Variants in KCNIP4 observed in about 807,000 individuals in gnomAD.
KCNIP4 encodes the protein Kv channel-interacting protein 4.
In KCNIP4, 12 loss-of-function variants were observed where a neutral mutation model predicts 34.0. The observed-to-expected ratio is 0.35, with a 90% CI of 0.23 to 0.57. KCNIP4 has a LOEUF of 0.57. Among genes scored for constraint, KCNIP4 ranks in the 20% least tolerant of loss-of-function variants. The pLI is 0.83. For missense variants in KCNIP4, 238 were observed against 311.7 expected (o/e 0.76, Z 1.78); for synonymous variants, 124 against 102.2 (o/e 1.21, Z -1.29).
intron 1 of KCNIP4, among the ~76,000 whole-genome samples, chr4:21,588,744 G>A (rs988278286): frequency 1.3e-5 from 2 of 151,888 alleles, no homozygotes; most frequent in African/African-American, 4.8e-5. Flanking sequence ...TCTGTCTCTA[G>A]AGAATATTGT....
At position 21,140,495 on chromosome 4, in the gene KCNIP4, G is replaced by A. The variant is rs138009674; in HGVS notation, c.62-257786C>T. On this transcript the variant is annotated intron_variant, in intron 1 of 8. Coordinates refer to ENST00000382152, the MANE Select transcript of KCNIP4 (RefSeq NM_025221.6). ...AAGGATTGCACAATGTTAACATAACGCACCTCCTCTGTGCCTCGATTTTAA... is the reference window on the plus strand; with the variant it reads ...AAGGATTGCACAATGTTAACATAACACACCTCCTCTGTGCCTCGATTTTAA... Among the ~76,000 whole-genome samples the A allele has an allele frequency of 3.1e-3, 474 of 152,004 alleles. 1 individual carries two copies. The highest frequency in any genetic ancestry group is 6.8e-3 in the Middle Eastern group (2 of 294).
chr4:21,848,232 C>T (rs1466945316), intron 1 of KCNIP4: 1 of 152,158 alleles, frequency 6.6e-6, no homozygotes, highest in Non-Finnish European at 1.5e-5. Flanking sequence ...CTGCCTTCAG[C>T]ATAAGGATTC....
chr4:21,445,180 T>G (rs548985339), intron 1 of KCNIP4, among the ~76,000 whole-genome samples: 2 of 152,104 alleles, frequency 1.3e-5, no homozygotes, highest in Non-Finnish European at 2.9e-5. Flanking sequence ...AATCAATATC[T>G]TGAAAATGGC....
At chr4:21,462,690 A>C (rs1441782782) in intron 1 of KCNIP4, among the ~76,000 whole-genome samples, 1 of 151,418 alleles carries the variant, frequency 6.6e-6, no homozygotes, top group African/African-American at 2.4e-5. Context: ...TTCAGTTAAC[A>C]TAATGTCTTC....
intron 1 of KCNIP4, among the ~76,000 whole-genome samples, chr4:21,322,841 A>T (rs1020343560): frequency 6.6e-6 from 1 of 152,156 alleles, no homozygotes; most frequent in South Asian, 2.1e-4. Flanking sequence ...AATCACTTAA[A>T]AGATAAGAGA....
At chr4:21,872,337 C>G (rs1208307648) in intron 1 of KCNIP4, among the ~76,000 whole-genome samples, 1 of 152,174 alleles carries the variant, frequency 6.6e-6, no homozygotes, top group Admixed American at 6.5e-5. Context: ...CCTACTCCAG[C>G]GCTATGAGCC....
intron 1 of KCNIP4, among the ~76,000 whole-genome samples, chr4:21,083,606 A>G (rs1746187099): frequency 1.3e-5 from 2 of 151,766 alleles, no homozygotes; most frequent in African/African-American, 4.9e-5. Context: ...GGAGTTAGGC[A>G]TCCATAAACC....
At chr4:21,229,346 G>C (rs1214652138) in intron 1 of KCNIP4, among the ~76,000 whole-genome samples, 1 of 152,086 alleles carries the variant, frequency 6.6e-6, no homozygotes, top group Non-Finnish European at 1.5e-5. Flanking sequence ...TCTGGCACTA[G>C]GTAGGGATTG....
chr4:21,634,328 T>G (rs1002782061), intron 1 of KCNIP4, among the ~76,000 whole-genome samples: 10 of 152,040 alleles, frequency 6.6e-5, no homozygotes, highest in Admixed American at 2.0e-4. Flanking sequence ...TCAAAAACTT[T>G]CTCTAGAGTA....
intron 1 of KCNIP4, among the ~76,000 whole-genome samples, chr4:21,179,142 C>G (rs2109317680): frequency 6.6e-6 from 1 of 152,252 alleles, no homozygotes; most frequent in Admixed American, 6.5e-5. Flanking sequence ...TATTATCTTT[C>G]CTTCTCCCTT....
intron 1 of KCNIP4, among the ~76,000 whole-genome samples, chr4:20,956,500 C>T (rs374583239): frequency 7.4e-5 from 6 of 81,506 alleles, no homozygotes; most frequent in African/African-American, 3.6e-4. Context: ...GCAAGACTTC[C>T]TTCCAAAAAA....
At chr4:21,391,067 A>T (rs1361367670) in intron 1 of KCNIP4, among the ~76,000 whole-genome samples, 2 of 152,130 alleles carry the variant, frequency 1.3e-5, no homozygotes, top group Non-Finnish European at 2.9e-5. Context: ...ACAGCAGATC[A>T]TGTTGAGCAT....
intron 1 of KCNIP4, among the ~76,000 whole-genome samples, chr4:20,999,226 T>C (rs1737837760): frequency 6.6e-6 from 1 of 152,168 alleles, no homozygotes. Flanking sequence ...AGGGAGATCA[T>C]ACTTCATCTT....
intron 3 of KCNIP4, among the ~76,000 whole-genome samples, chr4:20,766,185 A>G (rs1755394788): frequency 6.6e-6 from 1 of 152,160 alleles, no homozygotes; most frequent in Non-Finnish European, 1.5e-5. Flanking sequence ...AAATGAATGA[A>G]CTGTCTTAGA....
chr4:21,692,826 CAT>C (rs1711805754), intron 1 of KCNIP4, among the ~76,000 whole-genome samples: 5 of 114,964 alleles, frequency 4.3e-5, no homozygotes, highest in Non-Finnish European at 5.2e-5. Flanking sequence ...AAAATCCTGT[CAT>C]TTTTTTTTTT....
intron 1 of KCNIP4, among the ~76,000 whole-genome samples, chr4:21,098,097 A>C (rs1747619218): frequency 6.6e-6 from 1 of 152,212 alleles, no homozygotes; most frequent in African/African-American, 2.4e-5. Context: ...GCCAAAGTCA[A>C]ATCCAGAATA....
intron 1 of KCNIP4, among the ~76,000 whole-genome samples, chr4:21,874,014 T>C (rs947136691): frequency 6.6e-6 from 1 of 152,190 alleles, no homozygotes; most frequent in Non-Finnish European, 1.5e-5. Flanking sequence ...TCTGAAGACT[T>C]GCAAGGCAAA....
At chr4:20,821,110 C>T (rs184425438) in intron 3 of KCNIP4, among the ~76,000 whole-genome samples, 164 of 152,284 alleles carry the variant, frequency 1.1e-3, no homozygotes, top group Non-Finnish European at 1.4e-3. Context: ...ATGAGAGCTG[C>T]TGTGAGGGCT....
intron 1 of KCNIP4, among the ~76,000 whole-genome samples, chr4:21,074,595 G>A (rs1245825341): frequency 6.6e-6 from 1 of 152,056 alleles, no homozygotes; most frequent in Non-Finnish European, 1.5e-5. Flanking sequence ...CCAGCTCCTG[G>A]AGTCATTGAT....
Sources: allele counts gnomAD v4.1 joint callset (sites outside exome capture counted in the v4.1 genomes callset), GRCh38; gene constraint gnomAD v4.1.1; transcripts MANE v1.5; gene names NCBI Gene and HGNC (gene_info 2026-07-23, HGNC 2026-07-21).